LUZP2: variants seen among roughly 807,000 people sequenced by gnomAD.
The protein encoded by LUZP2 is leucine zipper protein 2.
A neutral mutation model predicts 51.6 loss-of-function variants in LUZP2; 52 were observed. That is an observed-to-expected ratio of 1.01 (90% CI 0.81 to 1.27). The LOEUF is 1.27. LUZP2 is among the 50% of genes most tolerant of loss of function. The probability of loss-of-function intolerance (pLI) is 0.00; values close to 1 mark genes in which losing one functional copy is unlikely to be tolerated. For missense variants in LUZP2, 436 were observed against 395.4 expected, an observed-to-expected ratio of 1.10 and a Z score of -0.87; for synonymous variants, 154 against 137.3, an observed-to-expected ratio of 1.12 and a Z score of -0.85.
chr11:24,819,348 G>T lies in LUZP2; in HGVS notation c.396+56040G>T, dbSNP rs375617938. 7.3e-4 allele frequency among the ~76,000 whole-genome samples: 111 copies of T among 152,134 alleles called. No individual in the cohort carries two copies. The East Asian group carries it at 0.014, about 19-fold the overall frequency. ...ATGGGAAGATTTTGAGGAATTGTAA[G>T]CAAGAGAATGATAGGACTTAATTTC... On this transcript the variant is annotated intron_variant, in intron 5 of 11. Coordinates refer to ENST00000336930, the MANE Select transcript of LUZP2 (RefSeq NM_001009909.4).
chr11:24,640,980 G>T (rs1304771433), intron 1 of LUZP2, among the ~76,000 whole-genome samples: 1 of 61,420 alleles, frequency 1.6e-5, no homozygotes, highest in African/African-American at 6.9e-5. Context: ...TATAGATATA[G>T]ATATAGATAT....
intron 1 of LUZP2, among the ~76,000 whole-genome samples, chr11:24,566,070 A>G (rs1420027892): frequency 1.3e-5 from 2 of 151,872 alleles, no homozygotes; most frequent in African/African-American, 2.4e-5. Context: ...ATTACAAGGC[A>G]TGTACATATA....
chr11:24,600,218 C>T (rs1442105584), intron 1 of LUZP2, among the ~76,000 whole-genome samples: 2 of 129,976 alleles, frequency 1.5e-5, no homozygotes, highest in Non-Finnish European at 3.3e-5. Context: ...CACACACACA[C>T]GCACAATGGG....
Position 24,663,106 on chromosome 11 carries a change from T to C in LUZP2, c.63-66063T>C, listed in dbSNP as rs557606949. ...ATCTAGCCATCTACCTAAGCATATA[T>C]TTATGATATTAGTAATTATATTTTA... On this transcript the variant is annotated intron_variant, in intron 1 of 11. Coordinates refer to ENST00000336930, the MANE Select transcript of LUZP2 (RefSeq NM_001009909.4). 1.6e-4 allele frequency among the ~76,000 whole-genome samples: 24 copies of C among 152,274 alleles called. No homozygotes were observed. In the East Asian group the frequency reaches 4.4e-3, roughly 28 times the overall value.
At chr11:24,956,203 T>C (rs949146400) in intron 7 of LUZP2, among the ~76,000 whole-genome samples, 8 of 151,462 alleles carry the variant, frequency 5.3e-5, no homozygotes, top group Non-Finnish European at 7.4e-5. Context: ...TCCTAGAACA[T>C]GTGGATATGT....
At chr11:24,641,254 T>A (rs1438822878) in intron 1 of LUZP2, among the ~76,000 whole-genome samples, 2 of 131,594 alleles carry the variant, frequency 1.5e-5, no homozygotes, top group Non-Finnish European at 3.3e-5. Flanking sequence ...ATCACCATGT[T>A]TTTCTTAGTG....
intron 5 of LUZP2, 33 bp downstream of exon 5, chr11:24,763,341 A>G (rs1444609152): frequency 3.9e-6 from 4 of 1,023,140 alleles, no homozygotes; most frequent in Middle Eastern, 2.2e-4. Context: ...TACATTTTAT[A>G]TAGATCAAAT....
intron 7 of LUZP2, among the ~76,000 whole-genome samples, chr11:24,929,846 C>G (rs2133831926): frequency 6.6e-6 from 1 of 152,178 alleles, no homozygotes; most frequent in Non-Finnish European, 1.5e-5. Context: ...TATTGTCGTG[C>G]TGTCTATATA....
chr11:24,552,710 C>T (rs928845533), intron 1 of LUZP2, among the ~76,000 whole-genome samples: 61 of 151,920 alleles, frequency 4.0e-4, no homozygotes, highest in African/African-American at 1.4e-3. Context: ...GCAACATAAA[C>T]CATGATATCT....
At chr11:24,667,067 A>G (rs1387803111) in intron 1 of LUZP2, among the ~76,000 whole-genome samples, 1 of 152,206 alleles carries the variant, frequency 6.6e-6, no homozygotes, top group Non-Finnish European at 1.5e-5. Flanking sequence ...TAAAAACAGT[A>G]CAGTGATATA....
At chr11:24,725,451 T>C (rs1371614462) in intron 1 of LUZP2, among the ~76,000 whole-genome samples, 1 of 152,022 alleles carries the variant, frequency 6.6e-6, no homozygotes, top group African/African-American at 2.4e-5. Flanking sequence ...CAAAAATCAA[T>C]TGGGTAGTTT....
intron 5 of LUZP2, among the ~76,000 whole-genome samples, chr11:24,790,786 G>T (rs1176691636): frequency 1.3e-5 from 2 of 152,100 alleles, no homozygotes; most frequent in Admixed American, 6.5e-5. Flanking sequence ...ACAGACGTGA[G>T]CCATCACACA....
At chr11:24,873,255 G>C (rs1852140095) in intron 5 of LUZP2, among the ~76,000 whole-genome samples, 1 of 152,154 alleles carries the variant, frequency 6.6e-6, no homozygotes, top group African/African-American at 2.4e-5. Context: ...ATGGTATTTA[G>C]TAATTTCAAA....
intron 1 of LUZP2, among the ~76,000 whole-genome samples, chr11:24,606,519 G>A (rs1288758572): frequency 6.6e-6 from 1 of 151,978 alleles, no homozygotes; most frequent in Non-Finnish European, 1.5e-5. Flanking sequence ...TATCATATGA[G>A]TGACAATTCT....
chr11:24,922,911 C>T (rs1329899956), intron 7 of LUZP2, among the ~76,000 whole-genome samples: 1 of 131,144 alleles, frequency 7.6e-6, no homozygotes, highest in Non-Finnish European at 1.6e-5. Context: ...TGCAGTGGCA[C>T]GATCTCGGCT....
intron 1 of LUZP2, among the ~76,000 whole-genome samples, chr11:24,540,941 C>T (rs1413339039): frequency 1.3e-5 from 2 of 151,858 alleles, no homozygotes; most frequent in African/African-American, 2.4e-5. Context: ...AAGATGTAAA[C>T]GTGACACTTT....
At chr11:24,528,521 T>C (rs1850891148) in intron 1 of LUZP2, among the ~76,000 whole-genome samples, 1 of 151,376 alleles carries the variant, frequency 6.6e-6, no homozygotes, top group South Asian at 2.1e-4. Context: ...TTTATTATTA[T>C]TATACTTTAA....
At chr11:24,879,450 T>A (rs1328069154) in intron 5 of LUZP2, among the ~76,000 whole-genome samples, 1 of 152,156 alleles carries the variant, frequency 6.6e-6, no homozygotes, top group Non-Finnish European at 1.5e-5. Context: ...GGGATTGCTG[T>A]GCCAAATGGT....
intron 7 of LUZP2, among the ~76,000 whole-genome samples, chr11:24,969,001 C>A (rs1855670740): frequency 1.3e-5 from 2 of 152,126 alleles, no homozygotes; most frequent in African/African-American, 2.4e-5. Flanking sequence ...AATTTGAATC[C>A]TTTTTTTAAG....
Sources: allele counts gnomAD v4.1 joint callset (sites outside exome capture counted in the v4.1 genomes callset), GRCh38; gene constraint gnomAD v4.1.1; transcripts MANE v1.5; gene names NCBI Gene and HGNC (gene_info 2026-07-23, HGNC 2026-07-21).